The following UGT2B7 variants were observed in gnomAD, a reference collection of about 807,000 sequenced individuals.
The protein encoded by UGT2B7 is UDP-glucuronosyltransferase 2B7.
A neutral mutation model predicts 51.9 loss-of-function variants in UGT2B7; 51 were observed. That is an observed-to-expected ratio of 0.98 (90% confidence interval 0.78 to 1.24). The LOEUF is 1.24. UGT2B7 is among the 50% of genes most tolerant of loss of function. The pLI is 0.00. For missense variants in UGT2B7, 727 were observed against 628.4 expected, an observed-to-expected ratio of 1.16 and a Z score of -1.68; for synonymous variants, 225 against 211.6, an observed-to-expected ratio of 1.06 and a Z score of -0.55.
chr4:69,057,067 TAGA>T (rs1294605560), intron 1 of UGT2B7, among the ~76,000 whole-genome samples: 1 of 152,214 alleles, frequency 6.6e-6, no homozygotes, highest in Non-Finnish European at 1.5e-5. Flanking sequence ...AGACATTGTA[TAGA>T]AGAACATGGT....
intron 1 of UGT2B7, among the ~76,000 whole-genome samples, chr4:69,060,564 T>A (rs528802692): frequency 6.6e-6 from 1 of 152,336 alleles, no homozygotes; most frequent in South Asian, 2.1e-4. Context: ...TATATGTCCA[T>A]GAGCAAAAGG....
intron 1 of UGT2B7, among the ~76,000 whole-genome samples, chr4:69,070,415 T>C (rs538619657): frequency 2.0e-5 from 3 of 147,806 alleles, no homozygotes; most frequent in Non-Finnish European, 4.5e-5. Flanking sequence ...TACAATTATA[T>C]GGAATATATG....
rs1560499595 is a variant in UGT2B7, at chr4:69,064,026, A to AAGAAAGAAAGAC, written c.-159+12435_-159+12436insCAGAAAGAAAGA. Among the ~76,000 whole-genome samples the AAGAAAGAAAGAC allele has an allele frequency of 5.8e-3, 351 of 60,334 alleles. 10 individuals carry two copies. Among genetic ancestry groups the AAGAAAGAAAGAC allele is most frequent in the African/African-American group, 0.019 (206 of 11,014 alleles). 39.6% of individuals were successfully genotyped at this position (60,334 alleles called of 152,430 possible). A position where few individuals can be genotyped will look rare whatever the true frequency, so the allele number is the denominator to read the frequency against. On this transcript the variant is annotated intron_variant, in intron 1 of 5. Coordinates refer to the UGT2B7 transcript ENST00000502942. ...AAAGGGGAAGATGAGATGGGAAAGA[A>AAGAAAGAAAGAC]AGAAAGAAAGAAAGAAAGAAAGAAA...
At chr4:69,082,912 C>T (rs1718869651) in intron 1 of UGT2B7, among the ~76,000 whole-genome samples, 1 of 152,084 alleles carries the variant, frequency 6.6e-6, no homozygotes, top group African/African-American at 2.4e-5. Flanking sequence ...GACAGGCTGA[C>T]TCTTTCGTTA....
intron 2 of UGT2B7, 54 bp downstream of exon 2, chr4:69,098,742 T>C (rs1719328025): frequency 1.3e-6 from 2 of 1,598,584 alleles, no homozygotes; most frequent in Non-Finnish European, 1.7e-6. Flanking sequence ...TCAGTAGAAA[T>C]GATTCTATAG....
rs371597113 is a variant in UGT2B7 at position 69,112,522 on chromosome 4, G to A, written c.1376G>A (p.Arg459Gln). 2.4e-5 allele frequency: 39 copies of A among 1,613,784 alleles called. No individual in the cohort carries two copies. Among genetic ancestry groups the A allele is most frequent in the African/African-American group, 1.1e-4 (8 of 74,904 alleles). Residue 459 changes from arginine (R) to glutamine (Q), a missense_variant, in exon 6 of 6, where the codon CGA becomes CAA. By Grantham distance (43) the Arg-to-Gln change is conservative. Transcript: ENST00000305231. ...QHDQPVKPLD[R>Q]AVFWIEFVMR... The stretch of plus-strand genomic sequence containing the variant: ...GATCAACCAGTGAAGCCCCTGGATC[G>A]AGCAGTCTTCTGGATTGAATTTGTC...
intron 1 of UGT2B7, among the ~76,000 whole-genome samples, chr4:69,054,689 C>T (rs570824948): frequency 1.3e-5 from 2 of 151,954 alleles, no homozygotes; most frequent in South Asian, 2.1e-4. Flanking sequence ...AGCAGCGTCA[C>T]CAACCCCTGC....
chr4:69,055,524 G>C (rs1718168273), intron 1 of UGT2B7, among the ~76,000 whole-genome samples: 1 of 152,074 alleles, frequency 6.6e-6, no homozygotes, highest in African/African-American at 2.4e-5. Context: ...AGAAGTTCAA[G>C]AACACTATCC....
At chr4:69,055,066 C>A (rs1321181496) in intron 1 of UGT2B7, among the ~76,000 whole-genome samples, 2 of 126,524 alleles carry the variant, frequency 1.6e-5, no homozygotes, top group Non-Finnish European at 3.1e-5. Flanking sequence ...AAGGACTGAT[C>A]CTTTTCTAAG....
At position 69,096,848 on chromosome 4, in the gene UGT2B7, T is replaced by C. The variant is rs922137531; in HGVS notation, c.328T>C (p.Ser110Pro). ...LPKDTFWLYF[S>P]QVQEIMSIFG... Reference sequence around the variant, plus strand: ...AAAAGATACATTTTGGTTATATTTTTCACAAGTACAGGAAATCATGTCAAT... The same window carrying C: ...AAAAGATACATTTTGGTTATATTTTCCACAAGTACAGGAAATCATGTCAAT... Residue 110 changes from serine to proline, a missense_variant, in exon 1 of 6, where the codon TCA (serine) becomes CCA (proline). Physicochemically the swap from Ser to Pro is moderately conservative, Grantham distance 74. Transcript: ENST00000305231. 3 of 1,613,624 alleles carry C rather than the reference T, an allele frequency of 1.9e-6. No homozygotes were observed. The highest frequency in any genetic ancestry group is 2.5e-6 in the Non-Finnish European group (3 of 1,179,866).
At chr4:69,107,383 T>A (rs1719633752) in intron 4 of UGT2B7, 121 bp downstream of exon 4, 1 of 1,190,462 alleles carries the variant, frequency 8.4e-7, no homozygotes, top group Non-Finnish European at 1.2e-6. Context: ...AACTTCTTTA[T>A]ATTGATTTTC....
chr4:69,059,180 A>C (rs1256585053), intron 1 of UGT2B7, among the ~76,000 whole-genome samples: 1 of 152,150 alleles, frequency 6.6e-6, no homozygotes, highest in Non-Finnish European at 1.5e-5. Flanking sequence ...AGGCCAGCTA[A>C]TGGACTTTAT....
chr4:69,055,624 C>G (rs1718172444), intron 1 of UGT2B7, among the ~76,000 whole-genome samples: 1 of 152,108 alleles, frequency 6.6e-6, no homozygotes, highest in Non-Finnish European at 1.5e-5. Context: ...TTGCAATTAG[C>G]CGAACACATA....
chr4:69,077,363 A>G (rs1718731779), intron 1 of UGT2B7, among the ~76,000 whole-genome samples: 4 of 152,120 alleles, frequency 2.6e-5, no homozygotes, highest in Non-Finnish European at 5.9e-5. Context: ...GAATTTATAA[A>G]TTACTTTTGT....
At position 69,108,150 on chromosome 4, in the gene UGT2B7, A is replaced by T; in HGVS notation, c.1138A>T (p.Ile380Phe). The change falls in exon 5 of 6, where the codon ATC becomes TTC. Residue 380 changes from isoleucine (I) to phenylalanine (F), a missense_variant. Coordinates refer to ENST00000305231, the MANE Select transcript of UGT2B7 (RefSeq NM_001074.4). The part of the protein sequence containing the change: ...AFITHGGANG[I>F]YEAIYHGIPM... ...TATAACTCATGGTGGAGCCAATGGC[A>T]TCTACGAGGCAATCTACCATGGGAT... is the stretch of plus-strand genomic sequence containing the variant. 1 of 1,613,680 alleles carries T rather than the reference A, an allele frequency of 6.2e-7. No individual in the cohort carries two copies. The highest frequency in any genetic ancestry group is 8.5e-7 in the Non-Finnish European group (1 of 1,179,642).
At position 69,096,987 on chromosome 4, in the gene UGT2B7, G is replaced by C; in HGVS notation, c.467G>C (p.Cys156Ser). 6.2e-7 allele frequency: 1 copy of C among 1,613,712 alleles called. No individual in the cohort carries two copies. Among genetic ancestry groups the C allele is most frequent in the Non-Finnish European group, 8.5e-7 (1 of 1,179,792 alleles). ...DVIFADAIFPCSELLAELFNI... is the reference protein window; with the variant it reads ...DVIFADAIFPSSELLAELFNI... Reference sequence around the variant, plus strand: ...ATTTTTGCAGATGCTATTTTTCCCTGTAGTGAGCTGCTGGCTGAGCTATTT... The same window carrying C: ...ATTTTTGCAGATGCTATTTTTCCCTCTAGTGAGCTGCTGGCTGAGCTATTT... Residue 156 changes from cysteine (C) to serine (S), a missense_variant, in exon 1 of 6, where the codon TGT becomes TCT. Physicochemically the swap from Cys to Ser is moderately radical, Grantham distance 112 (BLOSUM62 -1). Transcript: ENST00000305231.
chr4:69,095,702 ATTACT>A (rs1719204844), upstream of UGT2B7, among the ~76,000 whole-genome samples: 1 of 152,150 alleles, frequency 6.6e-6, no homozygotes, highest in African/African-American at 2.4e-5. Context: ...TTTATCTTTG[ATTACT>A]TTAACAAAGT....
intron 5 of UGT2B7, 29 bp from the exon 6 acceptor site, chr4:69,112,428 A>G (rs770558435): frequency 1.9e-6 from 3 of 1,603,704 alleles, no homozygotes; most frequent in Admixed American, 3.4e-5. Context: ...TCTTCCTGCT[A>G]CATTACTGTC....
chr4:69,071,898 C>T (rs1317322886), intron 1 of UGT2B7, among the ~76,000 whole-genome samples: 7 of 151,988 alleles, frequency 4.6e-5, no homozygotes, highest in Non-Finnish European at 1.0e-4. Context: ...TCAACATGTA[C>T]TACACAAACT....
Sources: allele counts gnomAD v4.1 joint callset (sites outside exome capture counted in the v4.1 genomes callset), GRCh38; gene constraint gnomAD v4.1.1; transcripts MANE v1.5; gene names NCBI Gene and HGNC (gene_info 2026-07-23, HGNC 2026-07-21).